Variants in MCTP1 observed in about 807,000 individuals in gnomAD.
The protein encoded by MCTP1 is multiple C2 and transmembrane domain containing 1.
MCTP1 carries 69 observed loss-of-function variants against 120.6 expected under a neutral mutation model. That is an observed-to-expected ratio of 0.57 (90% CI 0.47 to 0.70). MCTP1 has a LOEUF of 0.70. MCTP1 is among the 30% of genes least tolerant of loss of function. The pLI is 0.00. For synonymous variants in MCTP1, 529 were observed against 493.1 expected, an observed-to-expected ratio of 1.07 and a Z score of -0.96; for missense variants, 1,203 against 1,248.8, an observed-to-expected ratio of 0.96 and a Z score of 0.55.
intron 19 of MCTP1, among the ~76,000 whole-genome samples, chr5:94,740,319 A>G (rs898994161): frequency 6.6e-6 from 1 of 152,226 alleles, no homozygotes; most frequent in African/African-American, 2.4e-5. Flanking sequence ...ATAAATAACC[A>G]AACTCTCTCA....
intron 17 of MCTP1, among the ~76,000 whole-genome samples, chr5:94,815,333 T>G (rs1784299871): frequency 6.6e-6 from 1 of 152,200 alleles, no homozygotes; most frequent in Non-Finnish European, 1.5e-5. Context: ...TTATATAATA[T>G]CAAGCATGGA....
chr5:94,871,824 AG>A (rs1461973405), intron 13 of MCTP1, among the ~76,000 whole-genome samples: 1 of 152,102 alleles, frequency 6.6e-6, no homozygotes, highest in Non-Finnish European at 1.5e-5. Flanking sequence ...TATCAGCAAA[AG>A]TTACAGTATA....
chr5:94,992,025 T>C (rs1379323178), intron 2 of MCTP1, among the ~76,000 whole-genome samples: 3 of 152,196 alleles, frequency 2.0e-5, no homozygotes, highest in Admixed American at 2.0e-4. Flanking sequence ...GCTGTTGTGT[T>C]GGAGTGATAC....
At chr5:95,126,116 G>A (rs962553121) in intron 1 of MCTP1, among the ~76,000 whole-genome samples, 1 of 152,168 alleles carries the variant, frequency 6.6e-6, no homozygotes, top group African/African-American at 2.4e-5. Flanking sequence ...TATGGGGGGA[G>A]AAAAGGGAGG....
chr5:94,894,532 T>C, intron 11 of MCTP1, 117 bp downstream of exon 11: 1 of 708,306 alleles, frequency 1.4e-6, no homozygotes, highest in Non-Finnish European at 2.2e-6. Context: ...AGCTTTTTAC[T>C]TGTGCCAATT....
At chr5:94,840,711 C>T (rs1790830434) in intron 17 of MCTP1, among the ~76,000 whole-genome samples, 1 of 152,172 alleles carries the variant, frequency 6.6e-6, no homozygotes, top group Non-Finnish European at 1.5e-5. Context: ...GTTTTCACTC[C>T]TAAAATGGAG....
chr5:94,708,916 G>A (rs1050442367), intron 21 of MCTP1: 5 of 188,660 alleles, frequency 2.7e-5, no homozygotes, highest in Non-Finnish European at 5.5e-5. Context: ...CCTTGCTTTA[G>A]TGTTTCATTT....
At chr5:95,150,769 AT>A in intron 1 of MCTP1, among the ~76,000 whole-genome samples, 1 of 152,284 alleles carries the variant, frequency 6.6e-6, no homozygotes, top group East Asian at 1.9e-4. Flanking sequence ...CAGAAAGAAT[AT>A]ACAGTTGACC....
chr5:95,123,907 T>C (rs944064496), intron 1 of MCTP1, among the ~76,000 whole-genome samples: 4 of 152,042 alleles, frequency 2.6e-5, no homozygotes, highest in Non-Finnish European at 4.4e-5. Context: ...CCTCGGCCTC[T>C]CAAAGTGCTA....
At chr5:94,867,235 A>T in intron 17 of MCTP1, 1 of 1,436,530 alleles carries the variant, frequency 7.0e-7, no homozygotes, top group Non-Finnish European at 9.1e-7. Context: ...TCTAAAACTT[A>T]ACGATAATGA....
At chr5:94,740,609 A>G (rs534974173) in intron 19 of MCTP1, among the ~76,000 whole-genome samples, 1 of 152,216 alleles carries the variant, frequency 6.6e-6, no homozygotes, top group African/African-American at 2.4e-5. Flanking sequence ...ATATGAATAG[A>G]GACATTATTC....
At chr5:95,149,996 C>T (rs1187467083) in intron 1 of MCTP1, among the ~76,000 whole-genome samples, 2 of 152,164 alleles carry the variant, frequency 1.3e-5, no homozygotes, top group African/African-American at 4.8e-5. Context: ...TGTCCCTTTG[C>T]TCCCTTGATG....
chr5:95,141,024 T>C (rs980365086), intron 1 of MCTP1, among the ~76,000 whole-genome samples: 11 of 152,172 alleles, frequency 7.2e-5, no homozygotes, highest in Non-Finnish European at 1.5e-4. Flanking sequence ...TTGGTGTATC[T>C]ATCCTTATCA....
intron 1 of MCTP1, among the ~76,000 whole-genome samples, chr5:95,260,044 G>A (rs1758327629): frequency 6.6e-6 from 1 of 152,138 alleles, no homozygotes; most frequent in South Asian, 2.1e-4. Flanking sequence ...AAAAGCCATG[G>A]TGGGTGTGGT....
chr5:95,176,025 C>T (rs1275554133), intron 1 of MCTP1, among the ~76,000 whole-genome samples: 4 of 152,176 alleles, frequency 2.6e-5, no homozygotes, highest in Admixed American at 2.0e-4. Context: ...CTCATGCCAG[C>T]GTTCTGAGTC....
intron 19 of MCTP1, among the ~76,000 whole-genome samples, chr5:94,727,212 G>T (rs1291144524): frequency 1.3e-5 from 2 of 152,180 alleles, no homozygotes; most frequent in Non-Finnish European, 2.9e-5. Context: ...AGCAGGACCA[G>T]GGTTCAGCTT....
chr5:94,937,917 C>G (rs1196060015), intron 5 of MCTP1, among the ~76,000 whole-genome samples: 1 of 152,002 alleles, frequency 6.6e-6, no homozygotes, highest in African/African-American at 2.4e-5. Flanking sequence ...ATCTCAGGCA[C>G]TTAGGTATCT....
chr5:94,838,022 C>T (rs1790204593), intron 17 of MCTP1, among the ~76,000 whole-genome samples: 1 of 152,158 alleles, frequency 6.6e-6, no homozygotes, highest in Admixed American at 6.5e-5. Flanking sequence ...CACATCCCTT[C>T]CATTTTTTGG....
chr5:95,248,508 T>C (rs1439365595), intron 1 of MCTP1, among the ~76,000 whole-genome samples: 1 of 151,964 alleles, frequency 6.6e-6, no homozygotes, highest in African/African-American at 2.4e-5. Flanking sequence ...CACTGCTCAA[T>C]GAAATAAAAG....
Sources: gnomAD v4.1 joint callset for allele counts (sites outside exome capture counted in the v4.1 genomes callset) on GRCh38, gnomAD v4.1.1 for gene constraint, MANE v1.5 for transcripts, NCBI Gene and HGNC (gene_info 2026-07-23, HGNC 2026-07-21) for gene names.